The following MALRD1 variants were observed in gnomAD, a reference collection of about 807,000 sequenced individuals.
The protein encoded by MALRD1 is MAM and LDL receptor class A domain containing 1, also known as MAM and LDL-receptor class A domain-containing protein 1.
Under a neutral mutation model 242.1 loss-of-function variants are expected in MALRD1, and 247 were observed. The ratio of observed to expected loss-of-function variants is 1.02; its 90% confidence interval spans 0.92 to 1.13. The LOEUF (loss-of-function observed/expected upper bound fraction) is 1.13. Ranked by LOEUF, MALRD1 falls within the 50% of genes most tolerant of loss-of-function variation. The pLI is 0.00. For synonymous variants in MALRD1, 995 were observed against 866.6 expected (o/e 1.15, Z -2.60); for missense variants, 2,989 against 2,533.1 (o/e 1.18, Z -3.86).
chr10:19,167,628 G>A (rs2131511864), intron 13 of MALRD1, among the ~76,000 whole-genome samples: 1 of 152,280 alleles, frequency 6.6e-6, no homozygotes, highest in South Asian at 2.1e-4. Flanking sequence ...CTGTGCTGGA[G>A]AAATATAGAG....
At chr10:19,235,379 A>AT (rs61526265) in intron 18 of MALRD1, among the ~76,000 whole-genome samples, 59 of 149,698 alleles carry the variant, frequency 3.9e-4, no homozygotes, top group Non-Finnish European at 6.5e-4. Context: ...AATTCTAAGC[A>AT]TTTTTTTTTC....
chr10:19,524,226 C>T (rs1286254259), intron 31 of MALRD1, among the ~76,000 whole-genome samples: 1 of 152,060 alleles, frequency 6.6e-6, no homozygotes, highest in Non-Finnish European at 1.5e-5. Context: ...CCTGTAATTC[C>T]AGCACTTTGG....
At chr10:19,453,177 T>A (rs1284035050) in intron 29 of MALRD1, among the ~76,000 whole-genome samples, 1 of 152,162 alleles carries the variant, frequency 6.6e-6, no homozygotes, top group Non-Finnish European at 1.5e-5. Context: ...CCACACAATT[T>A]ATCATGAAGT....
intron 28 of MALRD1, among the ~76,000 whole-genome samples, chr10:19,429,424 C>T (rs925629206): frequency 5.9e-5 from 9 of 152,180 alleles, no homozygotes; most frequent in African/African-American, 9.6e-5. Context: ...ATGAGCCGGG[C>T]GTGGTGGTGC....
intron 8 of MALRD1, among the ~76,000 whole-genome samples, chr10:19,132,311 C>A (rs207470730): frequency 6.6e-6 from 1 of 152,160 alleles, no homozygotes; most frequent in African/African-American, 2.4e-5. Flanking sequence ...AAATTAGTTG[C>A]TTGTCTCAAC....
chr10:19,574,028 A>G (rs1268478197), intron 33 of MALRD1, among the ~76,000 whole-genome samples: 1 of 152,236 alleles, frequency 6.6e-6, no homozygotes, highest in Middle Eastern at 3.2e-3. Context: ...GACTTGATAA[A>G]TATAAGTTAT....
At chr10:19,363,318 A>G (rs556416012) in intron 26 of MALRD1, among the ~76,000 whole-genome samples, 1 of 152,274 alleles carries the variant, frequency 6.6e-6, no homozygotes, top group South Asian at 2.1e-4. Context: ...GTCAAGAGAT[A>G]AAGAAAAGGT....
chr10:19,255,167 A>G (rs1411203792), intron 18 of MALRD1, among the ~76,000 whole-genome samples: 1 of 152,020 alleles, frequency 6.6e-6, no homozygotes, highest in Non-Finnish European at 1.5e-5. Context: ...TAGTTCTAAT[A>G]TAAGTAGAAT....
At chr10:19,483,691 T>G (rs1267707820) in intron 29 of MALRD1, among the ~76,000 whole-genome samples, 7 of 152,182 alleles carry the variant, frequency 4.6e-5, no homozygotes, top group African/African-American at 1.7e-4. Context: ...AATATAAATT[T>G]GCTCAGCCAC....
intron 10 of MALRD1, among the ~76,000 whole-genome samples, chr10:19,139,438 T>C (rs1564417605): frequency 6.6e-6 from 1 of 152,208 alleles, no homozygotes; most frequent in African/African-American, 2.4e-5. Context: ...TTTATATCTT[T>C]TTTTTCTTGC....
At chr10:19,413,563 G>A (rs1308608794) in intron 28 of MALRD1, among the ~76,000 whole-genome samples, 1 of 150,534 alleles carries the variant, frequency 6.6e-6, no homozygotes, top group Non-Finnish European at 1.5e-5. Flanking sequence ...TTTTAATCAT[G>A]AAAAAAAAAG....
At chr10:19,393,514 C>T (rs1193976222) in intron 28 of MALRD1, among the ~76,000 whole-genome samples, 2 of 137,216 alleles carry the variant, frequency 1.5e-5, no homozygotes, top group South Asian at 2.3e-4. Context: ...GGTGTGATCT[C>T]GGCTCACTGC....
intron 36 of MALRD1, among the ~76,000 whole-genome samples, chr10:19,666,602 C>T (rs951441310): frequency 1.3e-5 from 2 of 152,072 alleles, no homozygotes; most frequent in Non-Finnish European, 2.9e-5. Flanking sequence ...GGGAATATTG[C>T]CAATTTCTTT....
At chr10:19,145,460 G>C (rs1335241506) in intron 10 of MALRD1, among the ~76,000 whole-genome samples, 1 of 151,956 alleles carries the variant, frequency 6.6e-6, no homozygotes, top group Non-Finnish European at 1.5e-5. Context: ...CCTGGCCAAC[G>C]TAGTGAAACA....
At chr10:19,716,336 T>TC (rs1834386220) in intron 38 of MALRD1, among the ~76,000 whole-genome samples, 2 of 152,018 alleles carry the variant, frequency 1.3e-5, no homozygotes, top group South Asian at 2.1e-4. Context: ...ATTAGCACCA[T>TC]CCCCCCCAGT....
intron 12 of MALRD1, among the ~76,000 whole-genome samples, chr10:19,162,467 G>A (rs1317165144): frequency 6.6e-6 from 1 of 152,166 alleles, no homozygotes; most frequent in Non-Finnish European, 1.5e-5. Context: ...ATGATTTGGA[G>A]TTTAAGGTTT....
chr10:19,480,017 C>G (rs530720084), intron 29 of MALRD1, among the ~76,000 whole-genome samples: 3 of 152,244 alleles, frequency 2.0e-5, no homozygotes, highest in African/African-American at 7.2e-5. Flanking sequence ...AGCCACAGCC[C>G]AGAAACAAGC....
intron 30 of MALRD1, among the ~76,000 whole-genome samples, chr10:19,497,404 C>G (rs769377307): frequency 8.9e-6 from 1 of 112,292 alleles, no homozygotes; most frequent in Non-Finnish European, 1.7e-5. Flanking sequence ...ATAGAATGAA[C>G]GAAAGGAATG....
intron 19 of MALRD1, among the ~76,000 whole-genome samples, chr10:19,259,097 C>T (rs934673776): frequency 1.3e-5 from 2 of 152,068 alleles, no homozygotes; most frequent in Admixed American, 6.6e-5. Context: ...AACAGCAGCC[C>T]ACATGTTTCT....
Sources: gnomAD v4.1 joint callset for allele counts (sites outside exome capture counted in the v4.1 genomes callset) on GRCh38, gnomAD v4.1.1 for gene constraint, MANE v1.5 for transcripts, NCBI Gene and HGNC (gene_info 2026-07-23, HGNC 2026-07-21) for gene names.